The following PID1 variants were observed in gnomAD, a reference collection of about 807,000 sequenced individuals.
PID1 encodes PTB-containing, cubilin and LRP1-interacting protein.
PID1 carries 10 observed loss-of-function variants against 19.1 expected under a neutral mutation model. The ratio of observed to expected loss-of-function variants is 0.52; its 90% CI spans 0.32 to 0.89. PID1 has a LOEUF of 0.89. Among genes scored for constraint, PID1 ranks in the 40% least tolerant of loss-of-function variants. The pLI is 0.03. For missense variants in PID1, 248 were observed against 285.3 expected, an observed-to-expected ratio of 0.87 and a Z score of 0.94; for synonymous variants, 130 against 116.0, an observed-to-expected ratio of 1.12 and a Z score of -0.78.
In PID1 at chr2:229,271,147, G is replaced by A. The variant is rs963921138; in HGVS notation, c.-104C>T. 3.1e-5 allele frequency: 41 copies of A among 1,311,832 alleles called. No homozygotes were observed. The highest frequency in any genetic ancestry group is 3.9e-5 in the Non-Finnish European group (37 of 950,816). The allele number at this position is 1,311,832 out of a possible 1,614,324, so 81.3% of individuals were successfully genotyped here. A position where few individuals can be genotyped will look rare whatever the true frequency, so the allele number is the denominator to read the frequency against. ...CTTTACATCTGGGGTCGGTGTCCGCGGGATGTGCGTCCTGGCGCTGGCCAC... is the reference window on the plus strand; with the variant it reads ...CTTTACATCTGGGGTCGGTGTCCGCAGGATGTGCGTCCTGGCGCTGGCCAC... On this transcript the variant is annotated 5_prime_UTR_variant, in exon 1 of 3. Transcript: ENST00000392055.
chr2:229,037,566 A>C (rs1472889718), intron 2 of PID1, among the ~76,000 whole-genome samples: 1 of 152,152 alleles, frequency 6.6e-6, no homozygotes, highest in Non-Finnish European at 1.5e-5. Context: ...TGTCATTGTC[A>C]CTGTCAAAGA....
chr2:229,213,938 A>G (rs1488453472), intron 1 of PID1, among the ~76,000 whole-genome samples: 3 of 152,338 alleles, frequency 2.0e-5, no homozygotes, highest in Admixed American at 1.3e-4. Flanking sequence ...AGAAATACAA[A>G]TATTACATCA....
At chr2:229,072,380 C>T (rs758656271) in intron 2 of PID1, among the ~76,000 whole-genome samples, 17 of 151,910 alleles carry the variant, frequency 1.1e-4, no homozygotes, top group Non-Finnish European at 1.9e-4. Context: ...GGAGGTCAGG[C>T]GTTCAAGACC....
At chr2:229,151,372 A>G (rs1284962093) in intron 2 of PID1, among the ~76,000 whole-genome samples, 1 of 152,166 alleles carries the variant, frequency 6.6e-6, no homozygotes, top group Non-Finnish European at 1.5e-5. Flanking sequence ...GGACAGTCAG[A>G]TGAACTTCTC....
At chr2:229,161,755 G>C (rs10172617) in intron 1 of PID1, among the ~76,000 whole-genome samples, 93,107 of 152,030 alleles carry the variant, frequency 0.61, 29,263 homozygotes, top group East Asian at 0.88. Flanking sequence ...AACAGCCAAA[G>C]AGTGTACCTG....
At chr2:229,069,143 T>TTGTGTGTGTGTGTGTGTGTGTGTG (rs61118908) in intron 2 of PID1, among the ~76,000 whole-genome samples, 3 of 140,628 alleles carry the variant, frequency 2.1e-5, no homozygotes, top group African/African-American at 8.0e-5. Flanking sequence ...AGAAGGGTTT[T>TTGTGTGTGTGTGTGTGTGTGTGTG]TGTGTGTGTG....
At chr2:229,254,481 G>A (rs1019360908) in intron 1 of PID1, among the ~76,000 whole-genome samples, 3 of 152,160 alleles carry the variant, frequency 2.0e-5, no homozygotes, top group Non-Finnish European at 4.4e-5. Context: ...TTAGAAAAAC[G>A]TCAGGGCTCC....
At chr2:229,114,813 G>T (rs1198645896) in intron 2 of PID1, among the ~76,000 whole-genome samples, 3 of 152,082 alleles carry the variant, frequency 2.0e-5, no homozygotes, top group Non-Finnish European at 4.4e-5. Context: ...CTGAAACAAA[G>T]ACCTGTGTCT....
At chr2:229,059,908 T>C (rs13400834) in intron 2 of PID1, among the ~76,000 whole-genome samples, 9,205 of 152,184 alleles carry the variant, frequency 0.06, 957 homozygotes, top group African/African-American at 0.21. Context: ...GTGGAGGGGA[T>C]GATGCAGAAT....
intron 1 of PID1, among the ~76,000 whole-genome samples, chr2:229,201,384 G>T (rs1470420224): frequency 6.6e-6 from 1 of 152,012 alleles, no homozygotes; most frequent in African/African-American, 2.4e-5. Context: ...TTGTTCTTTT[G>T]TGACTGTCTT....
intron 2 of PID1, among the ~76,000 whole-genome samples, chr2:229,074,506 A>G (rs1218523219): frequency 6.6e-6 from 1 of 152,176 alleles, no homozygotes; most frequent in Non-Finnish European, 1.5e-5. Context: ...CTTAATTAGT[A>G]AAACTAATAC....
At chr2:229,200,182 T>C (rs150982734) in intron 1 of PID1, among the ~76,000 whole-genome samples, 1 of 152,002 alleles carries the variant, frequency 6.6e-6, no homozygotes, top group African/African-American at 2.4e-5. Flanking sequence ...GCCATGGCCA[T>C]CTGAGGAGTT....
chr2:229,155,819 T>A lies in PID1; in HGVS notation c.176A>T (p.Lys59Met). The stretch of plus-strand genomic sequence containing the variant: ...CCCTGCTGGCCACGTGCCCCATACC[T>A]TGCAGCCACTGTGAGTCCTTGTCTT... ...LMKTRTHSGC[K>M]VTYLGKVSTT... The change falls in exon 2 of 3, where the codon AAG becomes ATG. Residue 59 changes from lysine (K) to methionine (M), a missense_variant and splice_region_variant. By Grantham distance (95) the Lys-to-Met change is moderately conservative. Transcript: ENST00000392055. The A allele has an allele frequency of 6.2e-7, 1 of 1,611,000 alleles. No individual in the cohort carries two copies. Among genetic ancestry groups the A allele is most frequent in the Non-Finnish European group, 8.5e-7 (1 of 1,178,560 alleles).
chr2:229,242,251 TAG>T (rs1356520319), intron 1 of PID1, among the ~76,000 whole-genome samples: 1 of 152,134 alleles, frequency 6.6e-6, no homozygotes, highest in Non-Finnish European at 1.5e-5. Flanking sequence ...ACAACTAAAA[TAG>T]AGTTTTCCTG....
chr2:229,155,712 A>G (rs988071665), intron 2 of PID1, 106 bp downstream of exon 2: 8 of 1,038,426 alleles, frequency 7.7e-6, no homozygotes, highest in African/African-American at 3.2e-5. Context: ...GTCATTTTAT[A>G]TTTTCATTCT....
intron 1 of PID1, among the ~76,000 whole-genome samples, chr2:229,265,298 T>C (rs2106294989): frequency 6.6e-6 from 1 of 152,360 alleles, no homozygotes; most frequent in South Asian, 2.1e-4. Context: ...CTCAGCCAGA[T>C]TATTGATCCA....
At chr2:229,077,975 C>T (rs1057252467) in intron 2 of PID1, among the ~76,000 whole-genome samples, 1 of 152,178 alleles carries the variant, frequency 6.6e-6, no homozygotes, top group African/African-American at 2.4e-5. Flanking sequence ...TTACTTTGGG[C>T]AGTATGACAA....
In PID1 at chr2:229,024,736, T is replaced by G. The variant is rs1693373254; in HGVS notation, c.*896A>C. 1.3e-5 allele frequency: 2 copies of G among 152,638 alleles called. No homozygotes were observed. The allele number at this position is 152,638 out of a possible 1,614,324, so 9.5% of individuals were successfully genotyped here. ...AATCTCAGCTGGATAAAAGGAGAGTTGACATAGAGTGTGTTCACTTGCTGA... is the reference window on the plus strand; with the variant it reads ...AATCTCAGCTGGATAAAAGGAGAGTGGACATAGAGTGTGTTCACTTGCTGA... On this transcript the variant is annotated 3_prime_UTR_variant, in exon 3 of 3. Coordinates refer to ENST00000392055, the MANE Select transcript of PID1 (RefSeq NM_001100818.2).
At chr2:229,270,289 A>G (rs1025876697) in intron 1 of PID1, among the ~76,000 whole-genome samples, 1 of 152,218 alleles carries the variant, frequency 6.6e-6, no homozygotes, top group African/African-American at 2.4e-5. Context: ...CCAAGGCCCA[A>G]CGTGTCACTG....
Sources: allele counts gnomAD v4.1 joint callset (sites outside exome capture counted in the v4.1 genomes callset), GRCh38; gene constraint gnomAD v4.1.1; transcripts MANE v1.5; gene names NCBI Gene and HGNC (gene_info 2026-07-23, HGNC 2026-07-21).